Variants in SGCD observed in about 807,000 individuals in gnomAD.
The protein encoded by SGCD is delta-sarcoglycan.
In SGCD, 18 loss-of-function variants were observed where a neutral mutation model predicts 36.6. The ratio of observed to expected loss-of-function variants is 0.49; its 90% CI spans 0.34 to 0.73. The LOEUF (loss-of-function observed/expected upper bound fraction) is 0.73. Among genes scored for constraint, SGCD ranks in the 30% least tolerant of loss-of-function variants. SGCD has a pLI of 0.01. For missense variants in SGCD, 387 were observed against 346.7 expected, an observed-to-expected ratio of 1.12 and a Z score of -0.92; for synonymous variants, 133 against 130.6, an observed-to-expected ratio of 1.02 and a Z score of -0.12.
intron 1 of SGCD, among the ~76,000 whole-genome samples, chr5:155,907,510 A>G (rs1056579508): frequency 6.6e-6 from 1 of 152,142 alleles, no homozygotes; most frequent in Non-Finnish European, 1.5e-5. Flanking sequence ...CAAAATAGCA[A>G]TGTTAGTAAG....
At chr5:155,912,648 T>A (rs1756653121) in intron 1 of SGCD, among the ~76,000 whole-genome samples, 1 of 152,180 alleles carries the variant, frequency 6.6e-6, no homozygotes, top group Non-Finnish European at 1.5e-5. Context: ...TATGTTTCCC[T>A]CATTACATGG....
intron 1 of SGCD, among the ~76,000 whole-genome samples, chr5:156,083,493 C>T (rs1368727748): frequency 6.6e-6 from 1 of 151,514 alleles, no homozygotes; most frequent in Admixed American, 6.6e-5. Context: ...CAGGGTTTCT[C>T]CGTGTTGGTC....
At chr5:155,971,909 A>T (rs1758013882) in intron 1 of SGCD, among the ~76,000 whole-genome samples, 1 of 152,160 alleles carries the variant, frequency 6.6e-6, no homozygotes, top group Non-Finnish European at 1.5e-5. Context: ...ATCAAAACAA[A>T]TTTAGTCTTT....
At chr5:156,391,432 C>T (rs1026523837) in intron 3 of SGCD, among the ~76,000 whole-genome samples, 2 of 152,020 alleles carry the variant, frequency 1.3e-5, no homozygotes, top group African/African-American at 2.4e-5. Flanking sequence ...GTGGGTTTCC[C>T]GTCTGTGTAT....
At chr5:156,385,029 G>A (rs1036955171) in intron 3 of SGCD, among the ~76,000 whole-genome samples, 1 of 152,150 alleles carries the variant, frequency 6.6e-6, no homozygotes, top group African/African-American at 2.4e-5. Flanking sequence ...GGGTGGTGCA[G>A]GAATCCAGCC....
chr5:156,728,698 T>TTAGAG (rs1755906601), intron 7 of SGCD, among the ~76,000 whole-genome samples: 1 of 151,996 alleles, frequency 6.6e-6, no homozygotes, highest in Non-Finnish European at 1.5e-5. Flanking sequence ...CAACAGTTGC[T>TTAGAG]TAGAGTAGCA....
chr5:155,971,006 C>T (rs745729337), intron 1 of SGCD, among the ~76,000 whole-genome samples: 2 of 152,100 alleles, frequency 1.3e-5, no homozygotes, highest in Non-Finnish European at 2.9e-5. Context: ...ATCCAGACAG[C>T]ATGTCTGCAT....
the SGCD span, among the ~76,000 whole-genome samples, chr5:155,851,386 T>C: frequency 1.3e-5 from 2 of 152,134 alleles, no homozygotes; most frequent in African/African-American, 2.4e-5. Flanking sequence ...GCACTTTCCA[T>C]GGTGAGCTGA....
intron 3 of SGCD, among the ~76,000 whole-genome samples, chr5:156,161,641 T>C (rs1182684654): frequency 6.6e-6 from 1 of 151,846 alleles, no homozygotes; most frequent in African/African-American, 2.4e-5. Flanking sequence ...AGTCACTGCT[T>C]ATACTTTCTA....
intron 3 of SGCD, among the ~76,000 whole-genome samples, chr5:156,275,687 A>AGAT (rs1199306917): frequency 5.9e-5 from 9 of 152,144 alleles, no homozygotes; most frequent in Non-Finnish European, 1.3e-4. Context: ...GTTCTACCTG[A>AGAT]GATGGTATGC....
At chr5:156,185,435 C>T (rs368859986) in intron 3 of SGCD, among the ~76,000 whole-genome samples, 2 of 151,850 alleles carry the variant, frequency 1.3e-5, no homozygotes, top group African/African-American at 2.4e-5. Context: ...AGGATGGTCT[C>T]GATCTCCTGA....
At chr5:156,359,711 T>A (rs1769685363) in intron 3 of SGCD, among the ~76,000 whole-genome samples, 1 of 152,170 alleles carries the variant, frequency 6.6e-6, no homozygotes, top group Non-Finnish European at 1.5e-5. Flanking sequence ...GCTGATGGTC[T>A]CCAGTATCCC....
At chr5:155,813,737 A>G in the SGCD span, among the ~76,000 whole-genome samples, 2 of 152,094 alleles carry the variant, frequency 1.3e-5, no homozygotes, top group African/African-American at 2.4e-5. Context: ...TTTTCCTTTG[A>G]TTATAGAGGG....
chr5:156,233,284 A>G (rs1765067777), intron 3 of SGCD, among the ~76,000 whole-genome samples: 1 of 152,250 alleles, frequency 6.6e-6, no homozygotes, highest in Non-Finnish European at 1.5e-5. Flanking sequence ...AGTAAAGTAT[A>G]ATAAAACAGA....
intron 1 of SGCD, among the ~76,000 whole-genome samples, chr5:156,074,438 A>T (rs567626203): frequency 5.3e-5 from 8 of 152,260 alleles, no homozygotes; most frequent in African/African-American, 1.9e-4. Flanking sequence ...ATGTGTATTT[A>T]CTTGGGAGGC....
the SGCD span, among the ~76,000 whole-genome samples, chr5:155,787,156 C>T: frequency 0.25 from 38,368 of 152,092 alleles, 5,209 homozygotes; most frequent in Admixed American, 0.37. Flanking sequence ...TAATTAAGTA[C>T]TACCCTCAGC....
At chr5:155,949,572 G>T (rs954578953) in intron 1 of SGCD, among the ~76,000 whole-genome samples, 2 of 152,172 alleles carry the variant, frequency 1.3e-5, no homozygotes, top group Admixed American at 1.3e-4. Context: ...CTCTATCTCA[G>T]AGGTCAGCGA....
At chr5:156,429,867 A>G (rs1435237974) in intron 3 of SGCD, among the ~76,000 whole-genome samples, 1 of 152,158 alleles carries the variant, frequency 6.6e-6, no homozygotes, top group East Asian at 1.9e-4. Flanking sequence ...CTGGCTTGTA[A>G]GGTTTCTTGT....
chr5:156,501,804 C>T (rs951651867), intron 3 of SGCD, among the ~76,000 whole-genome samples: 10 of 152,186 alleles, frequency 6.6e-5, no homozygotes, highest in African/African-American at 1.9e-4. Flanking sequence ...TTCTTGTCTT[C>T]GCTGGGATTA....
Sources: gnomAD v4.1 joint callset for allele counts (sites outside exome capture counted in the v4.1 genomes callset) on GRCh38, gnomAD v4.1.1 for gene constraint, MANE v1.5 for transcripts, NCBI Gene and HGNC (gene_info 2026-07-23, HGNC 2026-07-21) for gene names.